Variants in SETX observed in about 807,000 individuals in gnomAD.
SETX encodes the protein helicase senataxin.
A neutral mutation model predicts 227.2 loss-of-function variants in SETX; 90 were observed. The ratio of observed to expected loss-of-function variants is 0.40; its 90% CI spans 0.33 to 0.47. The LOEUF is 0.47. Ranked by LOEUF, SETX falls within the 20% of genes least tolerant of loss-of-function variation. SETX has a pLI of 0.91. For missense variants in SETX, 3,052 were observed against 3,181.5 expected (o/e 0.96, Z 0.98); for synonymous variants, 1,210 against 1,113.2 (o/e 1.09, Z -1.73).
At position 132,328,181 on chromosome 9, in the gene SETX, T is replaced by C; in HGVS notation, c.3417A>G (p.Glu1139=). The C allele has an allele frequency of 6.2e-7, 1 of 1,614,200 alleles. No homozygotes were observed. Among genetic ancestry groups the C allele is most frequent in the Non-Finnish European group, 8.5e-7 (1 of 1,180,030 alleles). ...EVVKKGAEGI[E]EHTRPRSISV... ...AAATACTCCGTGGTCTTGTGTGTTCTTCAATGCCCTCTGCTCCTTTTTTAA... is the reference window on the plus strand; with the variant it reads ...AAATACTCCGTGGTCTTGTGTGTTCCTCAATGCCCTCTGCTCCTTTTTTAA... Residue 1139 remains glutamate, a synonymous_variant, in exon 10 of 26, where the codon GAA becomes GAG. Transcript: ENST00000224140.
chr9:132,297,595 G>A (rs978601004), intron 13 of SETX, among the ~76,000 whole-genome samples: 1 of 152,192 alleles, frequency 6.6e-6, no homozygotes, highest in Non-Finnish European at 1.5e-5. Context: ...CTTAAGAGGT[G>A]AGAACAGACT....
chr9:132,274,447 T>C (rs1843054657), intron 23 of SETX, among the ~76,000 whole-genome samples: 1 of 150,558 alleles, frequency 6.6e-6, no homozygotes, highest in Admixed American at 6.6e-5. Flanking sequence ...TTTCTTTTTT[T>C]TTTTTTTTTG....
chr9:132,350,808 CT>C (rs1185549136), intron 2 of SETX, among the ~76,000 whole-genome samples: 1 of 152,146 alleles, frequency 6.6e-6, no homozygotes, highest in Non-Finnish European at 1.5e-5. Context: ...ATCAAAACTT[CT>C]TTAGAAGAAA....
chr9:132,264,051 G>T lies in SETX; in HGVS notation c.*188C>A. 1.4e-6 allele frequency: 1 copy of T among 735,060 alleles called. No individual in the cohort carries two copies. Among genetic ancestry groups the T allele is most frequent in the Non-Finnish European group, 2.2e-6 (1 of 450,434 alleles). The allele number at this position is 735,060 out of a possible 1,614,324, so 45.5% of individuals were successfully genotyped here. ...TTATTACGGATACACAATGCCCTCT[G>T]AAAGCTTTTGCAAATGACAGAAAAT... On this transcript the variant is annotated 3_prime_UTR_variant, in exon 26 of 26. Coordinates refer to ENST00000224140, the MANE Select transcript of SETX (RefSeq NM_015046.7).
rs773035724 is a variant in SETX at position 132,329,734 on chromosome 9, C to T, written c.1864G>A (p.Glu622Lys). 2 of 1,614,072 alleles carry T rather than the reference C, an allele frequency of 1.2e-6. No individual in the cohort carries two copies. The highest frequency in any genetic ancestry group is 2.2e-5 in the East Asian group (1 of 44,882). The change falls in exon 10 of 26, where the codon GAA becomes AAA. Residue 622 changes from glutamate (E) to lysine (K), a missense_variant. By Grantham distance (56) the Glu-to-Lys change is moderately conservative. Coordinates refer to ENST00000224140, the MANE Select transcript of SETX (RefSeq NM_015046.7). The stretch of plus-strand genomic sequence containing the variant: ...GTCTTCCCCATTTGTTCACTTTCTT[C>T]TTTATTATAAGATGCAGGAGAGATT... ...CKISPASYNK[E>K]ESEQMGKTSR...
rs1589748372 is a variant in SETX, at chr9:132,330,334, T to C, written c.1264A>G (p.Lys422Glu). 6.2e-7 allele frequency: 1 copy of C among 1,613,678 alleles called. No individual in the cohort carries two copies. Among genetic ancestry groups the C allele is most frequent in the Non-Finnish European group, 8.5e-7 (1 of 1,179,580 alleles). ...GCTATGTAAGCCACACCCAAATCCT[T>C]AAGATCCATGAGGGACTGGACAAAA... Reference protein sequence around the residue: ...IPFVQSLMDLKDLGVAYIAQV... With the variant: ...IPFVQSLMDLEDLGVAYIAQV... The change falls in exon 10 of 26, where the codon AAG becomes GAG. Residue 422 changes from lysine (K) to glutamate (E), a missense_variant. Around this residue, in one of 10 missense-constraint regions of SETX, gnomAD observed 179 missense variants for 197.1 expected, o/e 0.91. Transcript: ENST00000224140.
In SETX at chr9:132,331,038, A is replaced by G. The variant is rs762353743; in HGVS notation, c.1098+14T>C. 4.4e-6 allele frequency: 7 copies of G among 1,574,452 alleles called. No individual in the cohort carries two copies. Among genetic ancestry groups the G allele is most frequent in the East Asian group, 2.2e-5 (1 of 44,772 alleles). On this transcript the variant is annotated intron_variant, in intron 9 of 25. Transcript: ENST00000224140. ...GCAATAAAATAGCATCTGAATTTTC[A>G]AAGTGTTTTATACCTTTTTGGTCTT...
At chr9:132,319,373 T>TC (rs1176089015) in intron 10 of SETX, among the ~76,000 whole-genome samples, 1 of 152,150 alleles carries the variant, frequency 6.6e-6, no homozygotes, top group Non-Finnish European at 1.5e-5. Context: ...CTATTACTAT[T>TC]CCCCCAGTCT....
At chr9:132,302,201 C>T (rs1158321492) in intron 11 of SETX, among the ~76,000 whole-genome samples, 1 of 151,388 alleles carries the variant, frequency 6.6e-6, no homozygotes, top group Non-Finnish European at 1.5e-5. Context: ...ACTAAAAATA[C>T]AAAAAATTAG....
chr9:132,289,753 T>C (rs1332524441), intron 15 of SETX, among the ~76,000 whole-genome samples: 1 of 152,208 alleles, frequency 6.6e-6, no homozygotes, highest in African/African-American at 2.4e-5. Context: ...TGATAGAAAT[T>C]CTTGGATATA....
At chr9:132,346,593 T>C in intron 3 of SETX, 122 bp from the exon 4 acceptor site, 5 of 720,886 alleles carry the variant, frequency 6.9e-6, no homozygotes, top group Admixed American at 2.5e-5. Context: ...GTATTAGAGC[T>C]TGTATTTTAG....
intron 21 of SETX, among the ~76,000 whole-genome samples, chr9:132,277,603 A>T (rs751398403): frequency 2.6e-5 from 4 of 152,016 alleles, no homozygotes; most frequent in Non-Finnish European, 5.9e-5. Flanking sequence ...ACATAGCGAA[A>T]CCCCGTTTCT....
In SETX at chr9:132,271,983, C is replaced by T. The variant is rs535864212; in HGVS notation, c.7101-175G>A. 1.1e-4 allele frequency among the ~76,000 whole-genome samples: 17 copies of T among 151,636 alleles called. 1 individual carries two copies. The South Asian group carries it at 2.3e-3, about 20-fold the overall frequency. ...CTGCAAGCTCTGCCTCCCGGGTTCACGCCATTCTCCTGCCTCAGCCTCCTG... is the reference window on the plus strand; with the variant it reads ...CTGCAAGCTCTGCCTCCCGGGTTCATGCCATTCTCCTGCCTCAGCCTCCTG... On this transcript the variant is annotated intron_variant, in intron 23 of 25. Transcript: ENST00000224140.
At chr9:132,278,717 T>C (rs1843325630) in intron 20 of SETX, among the ~76,000 whole-genome samples, 1 of 152,170 alleles carries the variant, frequency 6.6e-6, no homozygotes, top group African/African-American at 2.4e-5. Flanking sequence ...TGATGCTATT[T>C]TGATGCTACA....
chr9:132,278,232 T>C lies in SETX; in HGVS notation c.6680A>G (p.Gln2227Arg), dbSNP rs1427107133. 1.2e-6 allele frequency: 2 copies of C among 1,614,072 alleles called. No homozygotes were observed. Among genetic ancestry groups the C allele is most frequent in the African/African-American group, 1.3e-5 (1 of 74,930 alleles). ...TCTGCAGAAGCGAGCCATCATTGAC[T>C]GGTCGTAGCCATACTCCTGTGCTTT... Reference protein sequence around the residue: ...SMKAQEYGYDQSMMARFCRLL... With the variant: ...SMKAQEYGYDRSMMARFCRLL... The change falls in exon 21 of 26, where the codon CAG becomes CGG. Residue 2227 changes from glutamine to arginine, a missense_variant. Around this residue, in one of 10 missense-constraint regions of SETX, gnomAD observed 412 missense variants for 589.0 expected, o/e 0.70. Transcript: ENST00000224140.
intron 5 of SETX, among the ~76,000 whole-genome samples, chr9:132,339,719 TCTC>T (rs1847847464): frequency 6.6e-6 from 1 of 152,084 alleles, no homozygotes; most frequent in Non-Finnish European, 1.5e-5. Context: ...TTCAAGCAAT[TCTC>T]CTGCCTCAGC....
At chr9:132,340,181 G>A (rs62576491) in intron 5 of SETX, among the ~76,000 whole-genome samples, 1 of 151,704 alleles carries the variant, frequency 6.6e-6, no homozygotes, top group African/African-American at 2.4e-5. Flanking sequence ...CAACAACTTG[G>A]CTTGGTTCTC....
chr9:132,292,876 A>G (rs1443776540), intron 15 of SETX, among the ~76,000 whole-genome samples: 1 of 152,102 alleles, frequency 6.6e-6, no homozygotes, highest in East Asian at 1.9e-4. Flanking sequence ...TGACCTGGTG[A>G]TCTGCCCGCC....
chr9:132,292,764 G>A (rs1844417624), intron 15 of SETX, among the ~76,000 whole-genome samples: 1 of 151,720 alleles, frequency 6.6e-6, no homozygotes, highest in Non-Finnish European at 1.5e-5. Context: ...CGAGTAGCTA[G>A]GACTACAGTA....
Sources: allele counts gnomAD v4.1 joint callset (sites outside exome capture counted in the v4.1 genomes callset), GRCh38; gene constraint gnomAD v4.1.1; regional missense constraint gnomAD v4.1.1; transcripts MANE v1.5; gene names NCBI Gene and HGNC (gene_info 2026-07-23, HGNC 2026-07-21).